The following PSMD11 variants were observed in gnomAD, a reference collection of about 807,000 sequenced individuals.
PSMD11 encodes 26S proteasome non-ATPase regulatory subunit 11.
Under a neutral mutation model 62.3 loss-of-function variants are expected in PSMD11, and 5 were observed. The observed-to-expected ratio is 0.08, with a 90% CI of 0.04 to 0.17. The LOEUF (loss-of-function observed/expected upper bound fraction) is 0.17, where lower values mean the gene tolerates loss of function less well. Ranked by LOEUF, PSMD11 falls within the 10% of genes least tolerant of loss-of-function variation. The pLI, the probability that PSMD11 is intolerant of heterozygous loss-of-function variation, is 1.00. For missense variants in PSMD11, 310 were observed against 512.9 expected, an observed-to-expected ratio of 0.60 and a Z score of 3.82; for synonymous variants, 191 against 191.8, an observed-to-expected ratio of 1.00 and a Z score of 0.03.
chr17:32,460,868 A>ATTTAAAT (rs1907815002), intron 3 of PSMD11, among the ~76,000 whole-genome samples: 2 of 151,966 alleles, frequency 1.3e-5, no homozygotes, highest in African/African-American at 4.8e-5. Flanking sequence ...TTTGGAGCCT[A>ATTTAAAT]GAAAGTGAGG....
chr17:32,454,087 AC>A (rs1365606255), intron 2 of PSMD11, among the ~76,000 whole-genome samples: 1 of 152,160 alleles, frequency 6.6e-6, no homozygotes, highest in East Asian at 1.9e-4. Flanking sequence ...GAAAAAAATT[AC>A]CCCTATGACC....
At chr17:32,479,035 G>A (rs1295722842) in intron 9 of PSMD11, among the ~76,000 whole-genome samples, 2 of 152,074 alleles carry the variant, frequency 1.3e-5, no homozygotes, top group Non-Finnish European at 2.9e-5. Context: ...TGAGCCTCCC[G>A]AGTGACTGGG....
At chr17:32,470,399 G>A (rs1908131818) in intron 6 of PSMD11, among the ~76,000 whole-genome samples, 1 of 151,704 alleles carries the variant, frequency 6.6e-6, no homozygotes, top group Admixed American at 6.6e-5. Flanking sequence ...TGCATCCACT[G>A]TCTCCTGGGT....
At chr17:32,468,308 G>A (rs974050540) in intron 5 of PSMD11, among the ~76,000 whole-genome samples, 6 of 151,676 alleles carry the variant, frequency 4.0e-5, no homozygotes, top group Non-Finnish European at 5.9e-5. Context: ...CTTCGATGAC[G>A]TCCTTTGAAG....
chr17:32,460,689 C>T (rs529550240), intron 3 of PSMD11, among the ~76,000 whole-genome samples: 8 of 150,332 alleles, frequency 5.3e-5, no homozygotes, highest in East Asian at 2.0e-4. Context: ...AGGAGAATGG[C>T]GTGAACCCGG....
intron 12 of PSMD11, 36 bp downstream of exon 12, chr17:32,480,233 T>A: frequency 6.3e-7 from 1 of 1,591,426 alleles, no homozygotes; most frequent in Non-Finnish European, 8.6e-7. Flanking sequence ...GGGCTGGTGG[T>A]GGTGATGAGA....
At chr17:32,458,160 G>A (rs1479295952) in intron 3 of PSMD11, among the ~76,000 whole-genome samples, 2 of 152,076 alleles carry the variant, frequency 1.3e-5, no homozygotes, top group African/African-American at 4.8e-5. Flanking sequence ...TTGGACTACT[G>A]TAAAAGCCTC....
intron 2 of PSMD11, among the ~76,000 whole-genome samples, chr17:32,454,095 G>C (rs1382629705): frequency 1.3e-5 from 2 of 152,164 alleles, no homozygotes; most frequent in Non-Finnish European, 2.9e-5. Flanking sequence ...TTACCCCTAT[G>C]ACCTGATCAT....
chr17:32,470,362 G>T (rs548886320), intron 6 of PSMD11, among the ~76,000 whole-genome samples: 1 of 151,460 alleles, frequency 6.6e-6, no homozygotes, highest in South Asian at 2.1e-4. Context: ...ACCCAGGCTG[G>T]AATGCAGTGG....
intron 3 of PSMD11, among the ~76,000 whole-genome samples, chr17:32,458,736 C>T (rs1164788602): frequency 6.6e-6 from 1 of 152,182 alleles, no homozygotes; most frequent in Non-Finnish European, 1.5e-5. Context: ...ACTTTCTTTA[C>T]AGCTGTAATT....
rs1908518294 is a variant in PSMD11 at position 32,482,293 on chromosome 17, A to G, written c.*1541A>G. 1 of 152,144 alleles carries G rather than the reference A, an allele frequency of 6.6e-6. No individual in the cohort carries two copies. The highest frequency in any genetic ancestry group is 1.5e-5 in the Non-Finnish European group (1 of 68,046). The allele number at this position is 152,144 out of a possible 1,614,324, so 9.4% of individuals were successfully genotyped here. ...TTTGGTTTTGGCACCATCAGTATCA[A>G]ATGTACAAACGGTTCTTGCTAACCA... On this transcript the variant is annotated 3_prime_UTR_variant, in exon 14 of 14. Coordinates refer to ENST00000261712, the MANE Select transcript of PSMD11 (RefSeq NM_002815.4).
At chr17:32,450,814 T>G (rs966416287) in intron 2 of PSMD11, among the ~76,000 whole-genome samples, 2 of 151,948 alleles carry the variant, frequency 1.3e-5, no homozygotes, top group Non-Finnish European at 2.9e-5. Flanking sequence ...TCCCAGGACT[T>G]TGGGAAGCTG....
At position 32,469,099 on chromosome 17, in the gene PSMD11, G is replaced by T. The variant is rs1349833702; in HGVS notation, c.549G>T (p.Leu183=). The change falls in exon 6 of 14, where the codon CTG becomes CTT. Residue 183 remains leucine, a synonymous_variant. Coordinates refer to ENST00000261712, the MANE Select transcript of PSMD11 (RefSeq NM_002815.4). ...ESKTYHALSN[L]PKARAALTSA... ...AAACATACCATGCCCTGAGCAACCTGCCGAAAGCCCGAGCTGCCTTAACTT... is the reference window on the plus strand; with the variant it reads ...AAACATACCATGCCCTGAGCAACCTTCCGAAAGCCCGAGCTGCCTTAACTT... 6.2e-7 allele frequency: 1 copy of T among 1,614,146 alleles called. No individual in the cohort carries two copies. The highest frequency in any genetic ancestry group is 1.7e-5 in the Admixed American group (1 of 60,018).
chr17:32,477,687 C>T, intron 9 of PSMD11, 104 bp downstream of exon 9: 1 of 1,054,866 alleles, frequency 9.5e-7, no homozygotes. Context: ...AAAGAAGTTG[C>T]AAATGATTCC....
At chr17:32,479,572 G>T (rs891578983) in intron 10 of PSMD11, 196 bp downstream of exon 10, 2 of 800,498 alleles carry the variant, frequency 2.5e-6, no homozygotes, top group Non-Finnish European at 3.9e-6. Flanking sequence ...CATGTGGGTT[G>T]CCCCTGCATG....
chr17:32,467,408 G>C (rs1908028521), intron 5 of PSMD11, among the ~76,000 whole-genome samples: 1 of 151,672 alleles, frequency 6.6e-6, no homozygotes, highest in South Asian at 2.1e-4. Flanking sequence ...ACCATGTCCA[G>C]CTAGTTTGTA....
At chr17:32,472,237 T>C (rs1908184403) in intron 6 of PSMD11, among the ~76,000 whole-genome samples, 1 of 151,742 alleles carries the variant, frequency 6.6e-6, no homozygotes, top group Non-Finnish European at 1.5e-5. Context: ...TTTTTTTTTT[T>C]TTTGAGACAG....
chr17:32,461,631 C>T (rs111552580), intron 3 of PSMD11, among the ~76,000 whole-genome samples: 7 of 148,924 alleles, frequency 4.7e-5, no homozygotes, highest in African/African-American at 1.2e-4. Context: ...ATATCCAGTT[C>T]GTGTAAAAAA....
chr17:32,483,021 G>C lies in PSMD11; in HGVS notation c.*2269G>C, dbSNP rs952771949. 3 of 152,174 alleles carry C rather than the reference G, an allele frequency of 2.0e-5. No individual in the cohort carries two copies. The highest frequency in any genetic ancestry group is 4.4e-5 in the Non-Finnish European group (3 of 68,034). 9.4% of individuals were successfully genotyped at this position (152,174 alleles called of 1,614,324 possible). The stretch of plus-strand genomic sequence containing the variant: ...GGGGAGATGTTTTCTCAAACTTAGG[G>C]CAGTCCTGAGATGCTCAGGCAGTAG... On this transcript the variant is annotated 3_prime_UTR_variant, in exon 14 of 14. Coordinates refer to ENST00000261712, the MANE Select transcript of PSMD11 (RefSeq NM_002815.4).
Sources: allele counts gnomAD v4.1 joint callset (sites outside exome capture counted in the v4.1 genomes callset), GRCh38; gene constraint gnomAD v4.1.1; transcripts MANE v1.5; gene names NCBI Gene and HGNC (gene_info 2026-07-23, HGNC 2026-07-21).